Variants in FGGY observed in about 807,000 individuals in gnomAD.
The protein encoded by FGGY is FGGY carbohydrate kinase domain containing.
A neutral mutation model predicts 71.3 loss-of-function variants in FGGY; 72 were observed. That is an observed-to-expected ratio of 1.01 (90% CI 0.84 to 1.23). The LOEUF (loss-of-function observed/expected upper bound fraction) is 1.23. Ranked by LOEUF, FGGY falls within the 50% of genes most tolerant of loss-of-function variation. FGGY has a pLI of 0.00. For missense variants in FGGY, 668 were observed against 682.3 expected (o/e 0.98, Z 0.23); for synonymous variants, 251 against 250.3 (o/e 1.00, Z -0.02).
chr1:59,621,697 T>TGTCATTC (rs1054598919), intron 9 of FGGY, among the ~76,000 whole-genome samples: 3 of 151,970 alleles, frequency 2.0e-5, no homozygotes, highest in African/African-American at 7.2e-5. Flanking sequence ...CCATTATTTT[T>TGTCATTC]GTCATTCTTT....
At chr1:59,733,773 A>T (rs1250782424) in intron 14 of FGGY, among the ~76,000 whole-genome samples, 1 of 152,252 alleles carries the variant, frequency 6.6e-6, no homozygotes, top group African/African-American at 2.4e-5. Flanking sequence ...CACAGCCGTA[A>T]GGACAAACCC....
chr1:59,479,772 A>T lies in FGGY; in HGVS notation c.670+22696A>T, dbSNP rs965487615. On this transcript the variant is annotated intron_variant, in intron 6 of 15. Coordinates refer to ENST00000303721, the MANE Select transcript of FGGY (RefSeq NM_018291.5). ...TGGAGGATTATCAAACGGTACACAG[A>T]ACCCTGCTTAGGGGTCGCCATGAAT... Among the ~76,000 whole-genome samples the T allele has an allele frequency of 3.3e-5, 5 of 152,298 alleles. No individual in the cohort carries two copies. The South Asian group carries it at 1.0e-3, about 32-fold the overall frequency.
intron 10 of FGGY, 75 bp from the exon 11 acceptor site, chr1:59,638,153 A>G (rs1380798700): frequency 3.5e-6 from 5 of 1,448,558 alleles, no homozygotes; most frequent in Non-Finnish European, 4.7e-6. Flanking sequence ...GGAAGTACAA[A>G]TGGTTTCTTT....
At chr1:59,534,414 A>G (rs1281211585) in intron 7 of FGGY, among the ~76,000 whole-genome samples, 1 of 151,568 alleles carries the variant, frequency 6.6e-6, no homozygotes, top group African/African-American at 2.5e-5. Context: ...TCTGCAGGAT[A>G]TTATCCAGGA....
At chr1:59,551,379 C>A (rs1455709860) in intron 7 of FGGY, among the ~76,000 whole-genome samples, 1 of 152,082 alleles carries the variant, frequency 6.6e-6, no homozygotes, top group Non-Finnish European at 1.5e-5. Flanking sequence ...CATTTTAATT[C>A]CCTTTTCGTA....
intron 11 of FGGY, 143 bp from the exon 12 acceptor site, chr1:59,660,076 T>A: frequency 4.4e-6 from 3 of 676,636 alleles, no homozygotes; most frequent in Non-Finnish European, 7.6e-6. Context: ...AATAGGCATT[T>A]CACGTTCCGC....
chr1:59,638,105 T>C lies in FGGY; in HGVS notation c.1074-123T>C, dbSNP rs1241819858. On this transcript the variant is annotated intron_variant, in intron 10 of 15. Transcript: ENST00000303721. ...TTTGAGAGTACAGTGGGCTAGCTTC[T>C]CTGAAGCTTTTAGGAGCCTGCTTAC... is the stretch of plus-strand genomic sequence containing the variant. 133 of 938,436 alleles carry C rather than the reference T, an allele frequency of 1.4e-4. No homozygotes were observed. In the East Asian group the frequency reaches 3.2e-3, roughly 23 times the overall value. 58.1% of individuals were successfully genotyped at this position (938,436 alleles called of 1,614,324 possible).
chr1:59,380,708 G>A (rs1365132036), intron 5 of FGGY, among the ~76,000 whole-genome samples: 3 of 151,532 alleles, frequency 2.0e-5, no homozygotes, highest in African/African-American at 2.4e-5. Flanking sequence ...TGTCAGATGA[G>A]TAGATTGCAA....
intron 1 of FGGY, among the ~76,000 whole-genome samples, chr1:59,319,543 C>A (rs1289852797): frequency 6.6e-6 from 1 of 152,122 alleles, no homozygotes; most frequent in African/African-American, 2.4e-5. Flanking sequence ...GGGAAGGAAG[C>A]CTTTTCCAAG....
intron 14 of FGGY, among the ~76,000 whole-genome samples, chr1:59,752,111 T>G (rs2098250408): frequency 6.6e-6 from 1 of 152,190 alleles, no homozygotes; most frequent in African/African-American, 2.4e-5. Flanking sequence ...AATCCATATA[T>G]TAAATGCTGG....
chr1:59,686,190 G>A (rs1157595066), intron 14 of FGGY, among the ~76,000 whole-genome samples: 1 of 152,090 alleles, frequency 6.6e-6, no homozygotes, highest in African/African-American at 2.4e-5. Flanking sequence ...ACCCAGTTTG[G>A]TAGAGAGATA....
intron 8 of FGGY, among the ~76,000 whole-genome samples, chr1:59,585,591 A>G (rs2096271305): frequency 6.6e-6 from 1 of 152,202 alleles, no homozygotes; most frequent in African/African-American, 2.4e-5. Flanking sequence ...AGGCATCACC[A>G]TTCAGGACAT....
At chr1:59,359,189 T>A (rs2054926352) in intron 4 of FGGY, among the ~76,000 whole-genome samples, 1 of 152,242 alleles carries the variant, frequency 6.6e-6, no homozygotes, top group African/African-American at 2.4e-5. Context: ...ATAATGACTT[T>A]ATTTTTCTAT....
At chr1:59,547,269 C>T (rs940022459) in intron 7 of FGGY, among the ~76,000 whole-genome samples, 1 of 152,090 alleles carries the variant, frequency 6.6e-6, no homozygotes, top group Non-Finnish European at 1.5e-5. Flanking sequence ...GACTGTTTTA[C>T]TCCCCTTCAT....
intron 6 of FGGY, among the ~76,000 whole-genome samples, chr1:59,508,028 A>G (rs1191099734): frequency 1.3e-5 from 2 of 152,046 alleles, no homozygotes; most frequent in Non-Finnish European, 2.9e-5. Flanking sequence ...GGCTCCCTAC[A>G]GGAAACTCAC....
intron 6 of FGGY, among the ~76,000 whole-genome samples, chr1:59,496,327 C>T (rs1373626639): frequency 1.3e-5 from 2 of 151,958 alleles, no homozygotes; most frequent in Non-Finnish European, 2.9e-5. Flanking sequence ...ACATGTATAC[C>T]CTGGAATACT....
chr1:59,735,945 C>A (rs1041595994), intron 14 of FGGY, among the ~76,000 whole-genome samples: 4 of 152,142 alleles, frequency 2.6e-5, no homozygotes, highest in African/African-American at 9.7e-5. Context: ...TTGGCTGTGT[C>A]CCCACCCAAA....
intron 14 of FGGY, among the ~76,000 whole-genome samples, chr1:59,733,904 C>T (rs577289690): frequency 6.6e-6 from 1 of 152,356 alleles, no homozygotes; most frequent in South Asian, 2.1e-4. Context: ...TTTTCTGCCT[C>T]CTGAGCATCT....
At chr1:59,463,000 C>T (rs566683944) in intron 6 of FGGY, among the ~76,000 whole-genome samples, 71 of 152,242 alleles carry the variant, frequency 4.7e-4, no homozygotes, top group African/African-American at 1.6e-3. Context: ...TATAAAGACA[C>T]ATGCACACGT....
Sources: gnomAD v4.1 joint callset for allele counts (sites outside exome capture counted in the v4.1 genomes callset) on GRCh38, gnomAD v4.1.1 for gene constraint, MANE v1.5 for transcripts, NCBI Gene and HGNC (gene_info 2026-07-23, HGNC 2026-07-21) for gene names.